Variants in PTPRO observed in about 807,000 individuals in gnomAD.
The protein encoded by PTPRO is protein tyrosine phosphatase receptor type O.
Under a neutral mutation model 145.2 loss-of-function variants are expected in PTPRO, and 62 were observed. The observed-to-expected ratio is 0.43, with a 90% confidence interval of 0.35 to 0.53. PTPRO has a LOEUF of 0.53. Ranked by LOEUF, PTPRO falls within the 20% of genes least tolerant of loss-of-function variation. The pLI, the probability that PTPRO is intolerant of heterozygous loss-of-function variation, is 0.01. For synonymous variants in PTPRO, 565 were observed against 514.7 expected, an observed-to-expected ratio of 1.10 and a Z score of -1.32; for missense variants, 1,345 against 1,482.7, an observed-to-expected ratio of 0.91 and a Z score of 1.53.
At chr12:15,488,400 A>C (rs982154244) in intron 2 of PTPRO, among the ~76,000 whole-genome samples, 1 of 152,176 alleles carries the variant, frequency 6.6e-6, no homozygotes, top group African/African-American at 2.4e-5. Flanking sequence ...TTCAGCTTCC[A>C]CCTTCATAAA....
intron 2 of PTPRO, among the ~76,000 whole-genome samples, 182 bp downstream of exon 2, chr12:15,484,429 C>A (rs1411079107): frequency 2.0e-5 from 3 of 151,972 alleles, no homozygotes; most frequent in Non-Finnish European, 2.9e-5. Context: ...TTACTCTTTA[C>A]CTTGTGATAA....
intron 1 of PTPRO, among the ~76,000 whole-genome samples, chr12:15,455,484 T>C (rs1486427899): frequency 6.6e-6 from 1 of 152,218 alleles, no homozygotes; most frequent in African/African-American, 2.4e-5. Flanking sequence ...CCATGGTCCA[T>C]GTACACAGGA....
chr12:15,445,550 G>A (rs961833438), intron 1 of PTPRO, among the ~76,000 whole-genome samples: 1 of 152,200 alleles, frequency 6.6e-6, no homozygotes, highest in East Asian at 1.9e-4. Context: ...ATTTGGTTGA[G>A]TGTCATCAAT....
At position 15,438,154 on chromosome 12, in the gene PTPRO, G is replaced by A. The variant is rs539926860; in HGVS notation, c.76-45820G>A. On this transcript the variant is annotated intron_variant, in intron 1 of 26. Coordinates refer to ENST00000281171, the MANE Select transcript of PTPRO (RefSeq NM_030667.3). ...TTCACAGTCACACCCCATAAAGCACGTAAGGGAAAGAGAATAATAGTAATG... is the reference window on the plus strand; with the variant it reads ...TTCACAGTCACACCCCATAAAGCACATAAGGGAAAGAGAATAATAGTAATG... Among the ~76,000 whole-genome samples, 17 of 152,180 alleles carry A rather than the reference G, an allele frequency of 1.1e-4. No individual in the cohort carries two copies. The East Asian group carries it at 2.1e-3, about 19-fold the overall frequency.
intron 1 of PTPRO, among the ~76,000 whole-genome samples, chr12:15,394,995 C>G (rs1939296878): frequency 6.6e-6 from 1 of 151,944 alleles, no homozygotes; most frequent in Non-Finnish European, 1.5e-5. Context: ...AAACACTCAG[C>G]AAAAGGGACA....
At chr12:15,327,841 A>C (rs1866490340) in intron 1 of PTPRO, among the ~76,000 whole-genome samples, 1 of 151,906 alleles carries the variant, frequency 6.6e-6, no homozygotes, top group Non-Finnish European at 1.5e-5. Context: ...AGCCAATAAG[A>C]GGTGGCTCAC....
chr12:15,487,569 C>T (rs568186037), intron 2 of PTPRO, among the ~76,000 whole-genome samples: 1 of 152,228 alleles, frequency 6.6e-6, no homozygotes, highest in South Asian at 2.1e-4. Context: ...ACACCTGTCA[C>T]CCCCATACCC....
chr12:15,469,768 C>CAA (rs3085503), intron 1 of PTPRO, among the ~76,000 whole-genome samples: 19,703 of 110,050 alleles, frequency 0.18, 2,173 homozygotes, highest in East Asian at 0.31. Context: ...AGTGTCCTGA[C>CAA]AAAAAAAAAA....
intron 2 of PTPRO, among the ~76,000 whole-genome samples, chr12:15,485,741 G>A (rs1941872095): frequency 6.6e-6 from 1 of 152,096 alleles, no homozygotes; most frequent in Non-Finnish European, 1.5e-5. Flanking sequence ...GGTAAGCAAT[G>A]CTAAAAAATT....
chr12:15,371,172 G>T (rs1183019967), intron 1 of PTPRO, among the ~76,000 whole-genome samples: 1 of 151,548 alleles, frequency 6.6e-6, no homozygotes, highest in South Asian at 2.1e-4. Context: ...TGTAAAACTT[G>T]TAGTACTTTA....
chr12:15,553,053 G>A (rs1399075360), intron 15 of PTPRO, among the ~76,000 whole-genome samples: 1 of 152,036 alleles, frequency 6.6e-6, no homozygotes, highest in Admixed American at 6.6e-5. Flanking sequence ...GCCCACCTCA[G>A]CCTCCCAAAG....
intron 1 of PTPRO, among the ~76,000 whole-genome samples, chr12:15,364,114 C>G (rs1276910465): frequency 6.6e-6 from 1 of 152,002 alleles, no homozygotes; most frequent in Admixed American, 6.6e-5. Context: ...AAAATAGGAC[C>G]TATGTAAAAA....
chr12:15,504,425 CTG>C (rs966582776), intron 6 of PTPRO, among the ~76,000 whole-genome samples: 4 of 152,152 alleles, frequency 2.6e-5, no homozygotes, highest in African/African-American at 9.6e-5. Flanking sequence ...TATTATAGGA[CTG>C]TGAAAAATCT....
At chr12:15,418,762 T>C (rs746833754) in intron 1 of PTPRO, among the ~76,000 whole-genome samples, 1 of 151,760 alleles carries the variant, frequency 6.6e-6, no homozygotes, top group Non-Finnish European at 1.5e-5. Context: ...GGAGGAAGTG[T>C]TAAGAATTAT....
intron 10 of PTPRO, 59 bp downstream of exon 10, chr12:15,520,371 A>G (rs1942690607): frequency 1.5e-6 from 2 of 1,319,378 alleles, no homozygotes; most frequent in African/African-American, 1.4e-5. Context: ...AGGAGTTACC[A>G]AGGTTCCAAA....
intron 1 of PTPRO, among the ~76,000 whole-genome samples, chr12:15,471,600 G>GTCAT (rs1036925992): frequency 3.3e-5 from 5 of 152,164 alleles, no homozygotes; most frequent in Non-Finnish European, 7.3e-5. Context: ...TCTTTGTTAT[G>GTCAT]TCATCATCAT....
At chr12:15,516,409 AAGAG>A (rs1454537611) in intron 8 of PTPRO, among the ~76,000 whole-genome samples, 1 of 150,872 alleles carries the variant, frequency 6.6e-6, no homozygotes, top group Non-Finnish European at 1.5e-5. Context: ...GAAAGAAAGA[AAGAG>A]AGAAAGGAGA....
intron 17 of PTPRO, among the ~76,000 whole-genome samples, chr12:15,561,335 C>T (rs1943767896): frequency 6.6e-6 from 1 of 152,078 alleles, no homozygotes; most frequent in African/African-American, 2.4e-5. Flanking sequence ...TGTTCTCCAG[C>T]TCCTCCAAGG....
At chr12:15,587,288 G>T in intron 24 of PTPRO, 1 of 515,394 alleles carries the variant, frequency 1.9e-6, no homozygotes, top group East Asian at 3.6e-5. Flanking sequence ...AAATAGAGAA[G>T]GGTAGAGATG....
Sources: allele counts gnomAD v4.1 joint callset (sites outside exome capture counted in the v4.1 genomes callset), GRCh38; gene constraint gnomAD v4.1.1; transcripts MANE v1.5; gene names NCBI Gene and HGNC (gene_info 2026-07-23, HGNC 2026-07-21).